DLC1: variants seen among roughly 807,000 people sequenced by gnomAD.
DLC1 encodes the protein DLC1 Rho GTPase activating protein.
In DLC1, 54 loss-of-function variants were observed where a neutral mutation model predicts 140.3. The observed-to-expected ratio is 0.38, with a 90% CI of 0.31 to 0.48. The LOEUF (loss-of-function observed/expected upper bound fraction) is 0.48. Ranked by LOEUF, DLC1 falls within the 20% of genes least tolerant of loss-of-function variation. The pLI, the probability that DLC1 is intolerant of heterozygous loss-of-function variation, is 0.96. For synonymous variants in DLC1, 986 were observed against 728.1 expected (o/e 1.35, Z -5.70); for missense variants, 2,536 against 1,907.0 (o/e 1.33, Z -6.14).
At chr8:13,282,785 T>C (rs562675787) in intron 5 of DLC1, among the ~76,000 whole-genome samples, 1 of 152,338 alleles carries the variant, frequency 6.6e-6, no homozygotes, top group Non-Finnish European at 1.5e-5. Context: ...TGCTTTAAAA[T>C]TGTGGTTATT....
intron 4 of DLC1, among the ~76,000 whole-genome samples, chr8:13,354,949 G>C (rs1834854622): frequency 1.4e-5 from 1 of 70,786 alleles, no homozygotes; most frequent in African/African-American, 5.0e-5. Context: ...TGAGACACTG[G>C]CTCAAAAAAA....
intron 4 of DLC1, among the ~76,000 whole-genome samples, chr8:13,363,834 T>A (rs1835357695): frequency 6.6e-6 from 1 of 152,210 alleles, no homozygotes; most frequent in Non-Finnish European, 1.5e-5. Context: ...GGTACCAAAA[T>A]GATAACTGGA....
intron 4 of DLC1, among the ~76,000 whole-genome samples, chr8:13,313,067 G>A (rs115617154): frequency 5.0e-4 from 76 of 152,274 alleles, no homozygotes; most frequent in African/African-American, 1.6e-3. Flanking sequence ...GGTGTGAAAT[G>A]CTCCTTCTCA....
chr8:13,230,656 G>A (rs903693698), intron 5 of DLC1, among the ~76,000 whole-genome samples: 6 of 150,162 alleles, frequency 4.0e-5, no homozygotes, highest in African/African-American at 1.5e-4. Flanking sequence ...GAGTGTAGTG[G>A]TGTGATCTCA....
At chr8:13,110,244 T>C (rs1208858246) in intron 7 of DLC1, among the ~76,000 whole-genome samples, 1 of 152,198 alleles carries the variant, frequency 6.6e-6, no homozygotes. Context: ...TTCTCATCAT[T>C]TAACTGTCTG....
intron 2 of DLC1, among the ~76,000 whole-genome samples, chr8:13,413,630 T>A (rs895175972): frequency 4.6e-5 from 7 of 151,994 alleles, no homozygotes; most frequent in Admixed American, 1.3e-4. Flanking sequence ...GGTAATTGGA[T>A]CATGGAGGAG....
chr8:13,358,045 C>T (rs1389940423), intron 4 of DLC1, among the ~76,000 whole-genome samples: 1 of 151,988 alleles, frequency 6.6e-6, no homozygotes, highest in African/African-American at 2.4e-5. Context: ...GTATTATCTT[C>T]AAAAGAGATG....
chr8:13,378,977 T>A (rs289520), intron 4 of DLC1, among the ~76,000 whole-genome samples: 100,507 of 152,048 alleles, frequency 0.66, 33,751 homozygotes, highest in East Asian at 0.84. Flanking sequence ...ATGAAAGATA[T>A]TGAAATAATT....
At chr8:13,395,569 A>C (rs1166085797) in intron 3 of DLC1, among the ~76,000 whole-genome samples, 1 of 152,190 alleles carries the variant, frequency 6.6e-6, no homozygotes, top group Non-Finnish European at 1.5e-5. Context: ...TTATGAAGAA[A>C]CTACTAGACT....
intron 5 of DLC1, among the ~76,000 whole-genome samples, chr8:13,188,794 T>G (rs1826539399): frequency 1.0e-5 from 1 of 96,498 alleles, no homozygotes; most frequent in Non-Finnish European, 2.0e-5. Flanking sequence ...TGTGTGTGTG[T>G]GTGTGTGTAT....
chr8:13,099,871 G>A lies in DLC1; in HGVS notation c.2466C>T (p.Leu822=). 3 of 1,614,206 alleles carry A rather than the reference G, an allele frequency of 1.9e-6. No individual in the cohort carries two copies. The highest frequency in any genetic ancestry group is 2.5e-6 in the Non-Finnish European group (3 of 1,180,052). The change falls in exon 9 of 18, where the codon CTC becomes CTT. Residue 822 remains leucine, a synonymous_variant. Transcript: ENST00000276297. ...DHKPGTFPKA[L]TNGSFSPSGN... ...CCGAGGGGGAGAAACTGCCATTGGT[G>A]AGAGCTTTGGGGAAAGTGCCAGGCT...
At chr8:13,535,970 T>A (rs1372783514) in intron 1 of DLC1, 1 of 152,166 alleles carries the variant, frequency 6.6e-6, no homozygotes, top group Non-Finnish European at 1.5e-5. Flanking sequence ...TTCAGGATGC[T>A]ATGTCTGTAT....
intron 4 of DLC1, among the ~76,000 whole-genome samples, chr8:13,362,341 T>C (rs1469407188): frequency 6.6e-6 from 1 of 152,192 alleles, no homozygotes; most frequent in East Asian, 1.9e-4. Flanking sequence ...GAAAAATTTC[T>C]TTGACATCTG....
At chr8:13,207,005 G>A (rs1827697785) in intron 5 of DLC1, among the ~76,000 whole-genome samples, 1 of 152,058 alleles carries the variant, frequency 6.6e-6, no homozygotes, top group Admixed American at 6.6e-5. Flanking sequence ...TAAACAATGA[G>A]TGAGCAAGTA....
At chr8:13,288,857 A>AG (rs1831642675) in intron 5 of DLC1, among the ~76,000 whole-genome samples, 1 of 152,236 alleles carries the variant, frequency 6.6e-6, no homozygotes, top group Non-Finnish European at 1.5e-5. Context: ...AACCCAGCTT[A>AG]GGGATCATAG....
chr8:13,147,224 C>G (rs540775153), intron 5 of DLC1, among the ~76,000 whole-genome samples: 3 of 152,232 alleles, frequency 2.0e-5, no homozygotes, highest in Admixed American at 1.3e-4. Flanking sequence ...CCTGGGGGAG[C>G]GAGGGATCTC....
Position 13,276,160 on chromosome 8 carries a change from TGAG to T in DLC1, c.1348+29106_1348+29108del. ...CAAGAATGAAACTTCAACCAGCTGA[TGAG>T]ATCATTCATGAACCAAGCTTATCAC... is the stretch of plus-strand genomic sequence containing the variant. On this transcript the variant is annotated intron_variant, in intron 5 of 17. Transcript: ENST00000276297. 4.9e-6 allele frequency: 7 copies of T among 1,443,096 alleles called. No homozygotes were observed. The Middle Eastern group carries it at 1.3e-3, about 264-fold the overall frequency. The allele number at this position is 1,443,096 out of a possible 1,614,324, so 89.4% of individuals were successfully genotyped here. A position where few individuals can be genotyped will look rare whatever the true frequency, so the allele number is the denominator to read the frequency against.
At chr8:13,354,018 A>C (rs920195877) in intron 4 of DLC1, among the ~76,000 whole-genome samples, 1 of 147,280 alleles carries the variant, frequency 6.8e-6, no homozygotes, top group Non-Finnish European at 1.5e-5. Context: ...ACTCCTTTGG[A>C]CTCTGCCATC....
intron 2 of DLC1, among the ~76,000 whole-genome samples, chr8:13,482,279 G>C (rs1800772288): frequency 6.6e-6 from 1 of 152,192 alleles, no homozygotes; most frequent in Non-Finnish European, 1.5e-5. Flanking sequence ...TGTATTTCTA[G>C]TCATATATCT....
Sources: gnomAD v4.1 joint callset for allele counts (sites outside exome capture counted in the v4.1 genomes callset) on GRCh38, gnomAD v4.1.1 for gene constraint, MANE v1.5 for transcripts, NCBI Gene and HGNC (gene_info 2026-07-23, HGNC 2026-07-21) for gene names.